Variants in SSH1 observed in about 807,000 individuals in gnomAD.
SSH1 encodes protein phosphatase Slingshot homolog 1.
In SSH1, 43 loss-of-function variants were observed where a neutral mutation model predicts 79.7. The ratio of observed to expected loss-of-function variants is 0.54; its 90% CI spans 0.42 to 0.70. The LOEUF (loss-of-function observed/expected upper bound fraction) is 0.70. SSH1 is among the 30% of genes least tolerant of loss of function. SSH1 has a pLI of 0.00. For synonymous variants in SSH1, 599 were observed against 538.3 expected, an observed-to-expected ratio of 1.11 and a Z score of -1.56; for missense variants, 1,206 against 1,358.8, an observed-to-expected ratio of 0.89 and a Z score of 1.77.
intron 14 of SSH1, 84 bp downstream of exon 14, chr12:108,792,202 C>G (rs1373170201): frequency 8.1e-6 from 13 of 1,604,774 alleles, no homozygotes; most frequent in Non-Finnish European, 1.1e-5. Context: ...TGCCTGTAGT[C>G]CCTACTACAG....
chr12:108,810,702 C>T (rs1260910352), intron 6 of SSH1, among the ~76,000 whole-genome samples: 2 of 152,236 alleles, frequency 1.3e-5, no homozygotes, highest in Non-Finnish European at 2.9e-5. Context: ...CTGTTTCTTC[C>T]CACTCCTCAC....
rs559580659 is a variant in SSH1 at position 108,779,559 on chromosome 12, G to A, written c.*8429C>T. 1.3e-5 allele frequency: 2 copies of A among 152,288 alleles called. No homozygotes were observed. Among genetic ancestry groups the A allele is most frequent in the South Asian group, 4.1e-4 (2 of 4,822 alleles). The allele number at this position is 152,288 out of a possible 1,614,324, so 9.4% of individuals were successfully genotyped here. Reference sequence around the variant, plus strand: ...TGTAGGCAAATTACTTCCACTCTGTGGGCCTGTTTTTTCATAAACTGAGAA... The same window carrying A: ...TGTAGGCAAATTACTTCCACTCTGTAGGCCTGTTTTTTCATAAACTGAGAA... On this transcript the variant is annotated 3_prime_UTR_variant, in exon 15 of 15. Transcript: ENST00000326495.
At chr12:108,805,028 C>A in intron 10 of SSH1, 28 bp downstream of exon 10, 1 of 1,613,290 alleles carries the variant, frequency 6.2e-7, no homozygotes, top group Non-Finnish European at 8.5e-7. Context: ...TCCCCCAAAC[C>A]AGATACTGCC....
At chr12:108,809,860 A>C (rs1050831718) in intron 6 of SSH1, 102 bp from the exon 7 acceptor site, 18 of 956,788 alleles carry the variant, frequency 1.9e-5, no homozygotes, top group Non-Finnish European at 3.1e-5. Context: ...GCACGCTGGG[A>C]ACAAGCACAT....
exon 1 of SSH1, chr12:108,857,577 GCCTCCTGGAGCCGCGC>G (rs2039171463): frequency 1.2e-6 from 1 of 828,716 alleles, no homozygotes; most frequent in South Asian, 5.3e-5. The surrounding 1 kb of genome is among the most constrained non-coding windows in gnomAD (Gnocchi z 4.7). Context: ...CGGGCCCGGG[GCCTCCTGGAGCCGCGC>G]GCGGGCGGCC....
chr12:108,800,075 A>G (rs1252798660), intron 12 of SSH1, among the ~76,000 whole-genome samples: 1 of 152,222 alleles, frequency 6.6e-6, no homozygotes, highest in Non-Finnish European at 1.5e-5. Context: ...TCCTGGGAAT[A>G]TAAGGGAACT....
At chr12:108,842,629 T>C (rs1369049366) in intron 2 of SSH1, among the ~76,000 whole-genome samples, 5 of 152,164 alleles carry the variant, frequency 3.3e-5, no homozygotes, top group Admixed American at 6.5e-5. Context: ...AAGCACATAG[T>C]GATGCCGCTA....
intron 13 of SSH1, among the ~76,000 whole-genome samples, chr12:108,795,303 G>A (rs930430459): frequency 6.6e-6 from 1 of 152,036 alleles, no homozygotes; most frequent in Admixed American, 6.6e-5. Context: ...TGTCACCCAG[G>A]CTGGGGTGCA....
chr12:108,814,160 G>C (rs2037771715), intron 5 of SSH1, among the ~76,000 whole-genome samples: 1 of 151,906 alleles, frequency 6.6e-6, no homozygotes, highest in Non-Finnish European at 1.5e-5. Context: ...GGAGGCAGAG[G>C]TTGCAGTGAG....
intron 2 of SSH1, among the ~76,000 whole-genome samples, chr12:108,825,629 A>G (rs1173682847): frequency 6.6e-6 from 1 of 152,206 alleles, no homozygotes; most frequent in East Asian, 1.9e-4. Flanking sequence ...ATCTAACAGC[A>G]TTTTGTCCAC....
At chr12:108,797,989 G>T (rs1018479990) in intron 13 of SSH1, among the ~76,000 whole-genome samples, 2 of 152,230 alleles carry the variant, frequency 1.3e-5, no homozygotes, top group South Asian at 2.1e-4. Flanking sequence ...AGAGCTAAAG[G>T]AGTATTATAA....
intron 2 of SSH1, among the ~76,000 whole-genome samples, chr12:108,845,559 C>T (rs1324581102): frequency 3.3e-5 from 5 of 152,252 alleles, no homozygotes; most frequent in African/African-American, 9.6e-5. Context: ...TGGTGGTATG[C>T]GCCTGTAATC....
chr12:108,813,016 C>G (rs2137121933), intron 5 of SSH1, among the ~76,000 whole-genome samples: 1 of 152,222 alleles, frequency 6.6e-6, no homozygotes, highest in African/African-American at 2.4e-5. Context: ...GCACATGCCA[C>G]TATGCCCAGC....
In SSH1 at chr12:108,857,580, T is replaced by C; in HGVS notation, c.-84A>G. On this transcript the variant is annotated 5_prime_UTR_variant, in exon 1 of 15. Coordinates refer to ENST00000326495, the MANE Select transcript of SSH1 (RefSeq NM_018984.4). This position sits in a 1 kb window ranked among gnomAD's most constrained non-coding sequence, Gnocchi z 4.7. ...CGCCGCCCGGGCCGGGCCCGGGGCC[T>C]CCTGGAGCCGCGCGCGGGCGGCCGG... The C allele has an allele frequency of 1.2e-6, 1 of 829,380 alleles. No homozygotes were observed. The highest frequency in any genetic ancestry group is 1.4e-6 in the Non-Finnish European group (1 of 691,402). The allele number at this position is 829,380 out of a possible 1,614,324, so 51.4% of individuals were successfully genotyped here.
intron 13 of SSH1, 114 bp from the exon 14 acceptor site, chr12:108,792,943 G>A (rs375291530): frequency 2.9e-5 from 36 of 1,242,612 alleles, no homozygotes; most frequent in Non-Finnish European, 3.9e-5. Flanking sequence ...CGCCAGGGAC[G>A]ATCCATGGCT....
intron 12 of SSH1, 74 bp downstream of exon 12, chr12:108,800,706 A>G (rs1446960356): frequency 1.5e-5 from 24 of 1,583,366 alleles, no homozygotes; most frequent in South Asian, 1.1e-5. Flanking sequence ...CTGCATCTGC[A>G]GTCTCGTTCA....
chr12:108,841,510 T>TA (rs1273460795), intron 2 of SSH1, among the ~76,000 whole-genome samples: 26 of 151,908 alleles, frequency 1.7e-4, no homozygotes, highest in Admixed American at 1.6e-3. Context: ...GTTTTCTAAT[T>TA]AAAAAAAATA....
At position 108,822,307 on chromosome 12, in the gene SSH1, T is replaced by A. The variant is rs2038151635; in HGVS notation, c.214+951A>T. Among the ~76,000 whole-genome samples, 3 of 151,564 alleles carry A rather than the reference T, an allele frequency of 2.0e-5. No individual in the cohort carries two copies. The South Asian group carries it at 6.3e-4, about 32-fold the overall frequency. On this transcript the variant is annotated intron_variant, in intron 3 of 14. Coordinates refer to ENST00000326495, the MANE Select transcript of SSH1 (RefSeq NM_018984.4). ...CGCCACCACGCCCAGCTAATTTTTG[T>A]ATTTTTTGCAGAGATAGGGTTTCAC... is the stretch of plus-strand genomic sequence containing the variant.
In SSH1 at chr12:108,788,970, GC is replaced by G; in HGVS notation, c.2167del (p.Ala723GlnfsTer12). On this transcript the variant is annotated frameshift_variant, in exon 15 of 15. Coordinates refer to ENST00000326495, the MANE Select transcript of SSH1 (RefSeq NM_018984.4). LOFTEE classifies it low-confidence loss of function (END_TRUNC). ...TCCAGCCCCAGGGCCACTGGTGTCT[GC>G]CCTCCTGGAGCCTGCTGGTGGTAGG... ...PFLPPAGSRR[A>X]DTSGPGAGAA... 6.2e-7 allele frequency: 1 copy of G among 1,613,312 alleles called. No homozygotes were observed. Among genetic ancestry groups the G allele is most frequent in the East Asian group, 2.2e-5 (1 of 44,878 alleles).
Sources: gnomAD v4.1 joint callset for allele counts (sites outside exome capture counted in the v4.1 genomes callset) on GRCh38, gnomAD v4.1.1 for gene constraint, Gnocchi (gnomAD v3.1) non-coding constraint, MANE v1.5 for transcripts, NCBI Gene and HGNC (gene_info 2026-07-23, HGNC 2026-07-21) for gene names.